Variants in KCNQ1 observed in about 807,000 individuals in gnomAD.
The protein encoded by KCNQ1 is potassium voltage-gated channel subfamily Q member 1, also known as potassium voltage-gated channel subfamily KQT member 1.
In KCNQ1, 49 loss-of-function variants were observed where a neutral mutation model predicts 72.4. That is an observed-to-expected ratio of 0.68 (90% CI 0.54 to 0.86). KCNQ1 has a LOEUF of 0.86. Among genes scored for constraint, KCNQ1 ranks in the 40% least tolerant of loss-of-function variants. KCNQ1 has a pLI of 0.00. For synonymous variants in KCNQ1, 450 were observed against 412.6 expected, an observed-to-expected ratio of 1.09 and a Z score of -1.10; for missense variants, 790 against 945.1, an observed-to-expected ratio of 0.84 and a Z score of 2.15.
intron 11 of KCNQ1, chr11:2,693,818 C>T (rs1036535937): frequency 1.3e-5 from 5 of 398,716 alleles, no homozygotes; most frequent in East Asian, 1.1e-4. Flanking sequence ...ATAAAGGCAC[C>T]GGAAGGAAAG....
chr11:2,728,207 G>A (rs796263634), intron 11 of KCNQ1, among the ~76,000 whole-genome samples: 6 of 152,170 alleles, frequency 3.9e-5, no homozygotes, highest in African/African-American at 1.4e-4. Flanking sequence ...CCTCTGGAGC[G>A]GCCACTCGCC....
intron 2 of KCNQ1, among the ~76,000 whole-genome samples, chr11:2,529,661 G>A (rs896553126): frequency 3.3e-5 from 5 of 152,148 alleles, no homozygotes; most frequent in Non-Finnish European, 7.3e-5. Context: ...ACAGCCTGTG[G>A]TCCTGCTACT....
At chr11:2,702,196 A>T (rs1285824289) in intron 11 of KCNQ1, among the ~76,000 whole-genome samples, 1 of 152,168 alleles carries the variant, frequency 6.6e-6, no homozygotes, top group East Asian at 1.9e-4. Context: ...CACAGATTTC[A>T]CCAGAATAAA....
At chr11:2,755,762 T>C (rs887289026) in intron 11 of KCNQ1, among the ~76,000 whole-genome samples, 2 of 152,250 alleles carry the variant, frequency 1.3e-5, no homozygotes, top group African/African-American at 2.4e-5. Context: ...ATACAATGAA[T>C]TGATAAAGAA....
chr11:2,573,596 G>A (rs984989984), intron 6 of KCNQ1, among the ~76,000 whole-genome samples: 1 of 152,246 alleles, frequency 6.6e-6, no homozygotes, highest in Non-Finnish European at 1.5e-5. Context: ...GCTGGGCCTA[G>A]GGAAGCAGGG....
At chr11:2,510,763 C>T (rs1210265681) in intron 1 of KCNQ1, among the ~76,000 whole-genome samples, 1 of 152,192 alleles carries the variant, frequency 6.6e-6, no homozygotes, top group Non-Finnish European at 1.5e-5. Context: ...TAGGCCAGAG[C>T]CTGCCTCCAG....
intron 15 of KCNQ1, among the ~76,000 whole-genome samples, chr11:2,810,932 A>G (rs990601802): frequency 6.6e-6 from 1 of 152,218 alleles, no homozygotes; most frequent in Non-Finnish European, 1.5e-5. Context: ...CATGGACCTC[A>G]TGCTCAGCCC....
chr11:2,461,838 G>A, intron 1 of KCNQ1: 1 of 725,080 alleles, frequency 1.4e-6, no homozygotes. Context: ...GAAGTACTGG[G>A]TGGGTGGAGA....
At chr11:2,533,348 C>T (rs1041558741) in intron 2 of KCNQ1, among the ~76,000 whole-genome samples, 2 of 152,094 alleles carry the variant, frequency 1.3e-5, no homozygotes, top group African/African-American at 4.8e-5. Flanking sequence ...GCACCGTGAA[C>T]ACCACGTGAA....
At chr11:2,552,049 T>G (rs535309386) in intron 2 of KCNQ1, among the ~76,000 whole-genome samples, 118 of 152,352 alleles carry the variant, frequency 7.7e-4, no homozygotes, top group African/African-American at 2.8e-3. Context: ...TCTTTGCATT[T>G]TCTTAACAGG....
chr11:2,566,679 G>C lies in KCNQ1; in HGVS notation c.478-3949G>C, dbSNP rs1848252323. Among the ~76,000 whole-genome samples the C allele has an allele frequency of 6.6e-6, 1 of 152,110 alleles. No individual in the cohort carries two copies. The highest frequency in any genetic ancestry group is 2.4e-5 in the African/African-American group (1 of 41,406). ...GTTTGTGGTCTCAGTGGAGACCAAG[G>C]ACGGCTCTTCTTCTCGTATCTACGG... On this transcript the variant is annotated intron_variant, in intron 2 of 15. Coordinates refer to ENST00000155840, the MANE Select transcript of KCNQ1 (RefSeq NM_000218.3). The surrounding 1 kb of genome is among the most constrained non-coding windows in gnomAD (Gnocchi z 6.7).
rs567404761 is a variant in KCNQ1, at chr11:2,536,714, C to T, written c.477+8696C>T. Among the ~76,000 whole-genome samples the T allele has an allele frequency of 4.6e-4, 69 of 150,982 alleles. No individual in the cohort carries two copies. Among genetic ancestry groups the T allele is most frequent in the African/African-American group, 1.7e-3 (67 of 40,330 alleles). Reference sequence around the variant, plus strand: ...CCAGCCTGCCAGAGGGACCGCTGGGCCTATCTCCAGCCACGTGGGTCGCGA... The same window carrying T: ...CCAGCCTGCCAGAGGGACCGCTGGGTCTATCTCCAGCCACGTGGGTCGCGA... On this transcript the variant is annotated intron_variant, in intron 2 of 15. Transcript: ENST00000155840. The surrounding 1 kb of genome is among the most constrained non-coding windows in gnomAD (Gnocchi z 7.4).
chr11:2,555,625 A>G (rs1848059120), intron 2 of KCNQ1, among the ~76,000 whole-genome samples: 2 of 152,232 alleles, frequency 1.3e-5, no homozygotes. Context: ...GGCAGCTCCC[A>G]AACTGTGGGG....
chr11:2,618,011 G>A (rs1288316879), intron 10 of KCNQ1: 6 of 398,228 alleles, frequency 1.5e-5, no homozygotes, highest in Non-Finnish European at 2.2e-5. Context: ...GACTGTTTCC[G>A]TTCCTGTGCA....
Position 2,769,624 on chromosome 11 carries a change from G to A in KCNQ1, c.1590+705G>A, listed in dbSNP as rs1257806145. On this transcript the variant is annotated intron_variant, in intron 12 of 15. Transcript: ENST00000155840. This position sits in a 1 kb window ranked among gnomAD's most constrained non-coding sequence, Gnocchi z 4.6. The stretch of plus-strand genomic sequence containing the variant: ...ATTCCTCGGATGAAGGCGGTGGTGG[G>A]GGGTACTGAGTCCTGGCTTGGAAAT... Among the ~76,000 whole-genome samples, 1 of 152,210 alleles carries A rather than the reference G, an allele frequency of 6.6e-6. No homozygotes were observed. The highest frequency in any genetic ancestry group is 1.9e-4 in the East Asian group (1 of 5,188).
intron 11 of KCNQ1, among the ~76,000 whole-genome samples, chr11:2,718,599 T>C (rs1283135320): frequency 6.6e-6 from 1 of 152,228 alleles, no homozygotes; most frequent in African/African-American, 2.4e-5. Context: ...ATGCATGGCC[T>C]GGACTGTCCA....
chr11:2,676,378 G>A lies in KCNQ1; in HGVS notation c.1514+14297G>A, dbSNP rs1850294767. 2 of 398,532 alleles carry A rather than the reference G, an allele frequency of 5.0e-6. No homozygotes were observed. Among genetic ancestry groups the A allele is most frequent in the South Asian group, 1.3e-4 (1 of 7,866 alleles). 24.7% of individuals were successfully genotyped at this position (398,532 alleles called of 1,614,324 possible). A position where few individuals can be genotyped will look rare whatever the true frequency, so the allele number is the denominator to read the frequency against. Reference sequence around the variant, plus strand: ...TGGGCTTCCAGTATAATTGGAAGGAGCATAGTCTCTGTGTTCAGCTAGAGA... The same window carrying A: ...TGGGCTTCCAGTATAATTGGAAGGAACATAGTCTCTGTGTTCAGCTAGAGA... On this transcript the variant is annotated intron_variant, in intron 11 of 15. Coordinates refer to ENST00000155840, the MANE Select transcript of KCNQ1 (RefSeq NM_000218.3). This position sits in a 1 kb window ranked among gnomAD's most constrained non-coding sequence, Gnocchi z 4.2.
chr11:2,608,625 T>C lies in KCNQ1; in HGVS notation c.1393+19771T>C, dbSNP rs1848921627. 2.3e-5 allele frequency: 9 copies of C among 398,556 alleles called. No homozygotes were observed. Among genetic ancestry groups the C allele is most frequent in the Non-Finnish European group, 3.5e-5 (8 of 226,060 alleles). The allele number at this position is 398,556 out of a possible 1,614,324, so 24.7% of individuals were successfully genotyped here. A position where few individuals can be genotyped will look rare whatever the true frequency, so the allele number is the denominator to read the frequency against. ...GACAGGTGTGCACCACAACACCAGCTGTTATTCAAAAAATATTTTGTAGAG... is the reference window on the plus strand; with the variant it reads ...GACAGGTGTGCACCACAACACCAGCCGTTATTCAAAAAATATTTTGTAGAG... On this transcript the variant is annotated intron_variant, in intron 10 of 15. Coordinates refer to ENST00000155840, the MANE Select transcript of KCNQ1 (RefSeq NM_000218.3). This position sits in a 1 kb window ranked among gnomAD's most constrained non-coding sequence, Gnocchi z 4.6.
intron 11 of KCNQ1, chr11:2,681,907 T>C (rs1253859991): frequency 1.0e-5 from 4 of 398,498 alleles, no homozygotes; most frequent in Non-Finnish European, 8.8e-6. Flanking sequence ...CCGGCCATAA[T>C]GAACACACGT....
Sources: gnomAD v4.1 joint callset for allele counts (sites outside exome capture counted in the v4.1 genomes callset) on GRCh38, gnomAD v4.1.1 for gene constraint, Gnocchi (gnomAD v3.1) non-coding constraint, MANE v1.5 for transcripts, NCBI Gene and HGNC (gene_info 2026-07-23, HGNC 2026-07-21) for gene names.